Variants in FREM2 observed in about 807,000 individuals in gnomAD.
The protein encoded by FREM2 is FRAS1 related extracellular matrix 2, also known as FRAS1-related extracellular matrix protein 2.
In FREM2, 119 loss-of-function variants were observed where a neutral mutation model predicts 219.9. The observed-to-expected ratio is 0.54, with a 90% CI of 0.47 to 0.63. FREM2 has a LOEUF of 0.63. Ranked by LOEUF, FREM2 falls within the 30% of genes least tolerant of loss-of-function variation. The pLI, the probability that FREM2 is intolerant of heterozygous loss-of-function variation, is 0.00. For missense variants in FREM2, 4,030 were observed against 3,993.6 expected (o/e 1.01, Z -0.25); for synonymous variants, 1,562 against 1,522.8 (o/e 1.03, Z -0.60).
At chr13:38,728,787 A>G (rs1447521274) in intron 2 of FREM2, among the ~76,000 whole-genome samples, 1 of 152,166 alleles carries the variant, frequency 6.6e-6, no homozygotes, top group Non-Finnish European at 1.5e-5. Context: ...AGAATTTCAT[A>G]GTCAAATATG....
intron 6 of FREM2, among the ~76,000 whole-genome samples, chr13:38,792,666 A>T (rs1874609410): frequency 6.6e-6 from 1 of 152,174 alleles, no homozygotes; most frequent in Non-Finnish European, 1.5e-5. Context: ...TCAGTCATCC[A>T]CTTGGGCGTC....
At chr13:38,704,123 T>C (rs1235576633) in intron 2 of FREM2, among the ~76,000 whole-genome samples, 1 of 152,158 alleles carries the variant, frequency 6.6e-6, no homozygotes, top group Non-Finnish European at 1.5e-5. Flanking sequence ...CAGAATGCAA[T>C]GTAAAAGAAG....
chr13:38,831,157 A>G (rs1463282825), intron 6 of FREM2, among the ~76,000 whole-genome samples: 2 of 152,062 alleles, frequency 1.3e-5, no homozygotes, highest in Non-Finnish European at 2.9e-5. Flanking sequence ...TTCCTCATAT[A>G]TGGGGTATGC....
At chr13:38,863,120 G>C (rs917222290) in intron 15 of FREM2, among the ~76,000 whole-genome samples, 1 of 152,136 alleles carries the variant, frequency 6.6e-6, no homozygotes, top group African/African-American at 2.4e-5. Context: ...CGCGATCTCA[G>C]CTCACTGCAA....
intron 6 of FREM2, 82 bp from the exon 7 acceptor site, chr13:38,846,491 A>T: frequency 6.9e-7 from 1 of 1,440,974 alleles, no homozygotes. Flanking sequence ...GAGGAAGCAC[A>T]CTCTTCTTTG....
intron 4 of FREM2, among the ~76,000 whole-genome samples, chr13:38,782,379 TTGAC>T (rs1044323381): frequency 1.8e-4 from 28 of 152,302 alleles, no homozygotes; most frequent in African/African-American, 5.8e-4. Flanking sequence ...AACATGCCCT[TTGAC>T]TGTGTTAAAA....
chr13:38,695,009 A>C (rs1348352268), intron 1 of FREM2, among the ~76,000 whole-genome samples: 1 of 152,200 alleles, frequency 6.6e-6, no homozygotes, highest in Admixed American at 6.5e-5. Context: ...AACAAACAAA[A>C]AAATCTCATG....
intron 2 of FREM2, among the ~76,000 whole-genome samples, chr13:38,745,758 A>AT (rs1269945413): frequency 2.6e-5 from 4 of 152,072 alleles, no homozygotes; most frequent in Non-Finnish European, 4.4e-5. Context: ...CTGCTTTCTG[A>AT]TTTTCAATCC....
In FREM2 at chr13:38,885,230, C is replaced by T. The variant is rs1020408284; in HGVS notation, c.*4443C>T. 2 of 152,158 alleles carry T rather than the reference C, an allele frequency of 1.3e-5. No homozygotes were observed. Among genetic ancestry groups the T allele is most frequent in the Non-Finnish European group, 2.9e-5 (2 of 68,006 alleles). 9.4% of individuals were successfully genotyped at this position (152,158 alleles called of 1,614,324 possible). A position where few individuals can be genotyped will look rare whatever the true frequency, so the allele number is the denominator to read the frequency against. On this transcript the variant is annotated 3_prime_UTR_variant, in exon 24 of 24. Transcript: ENST00000280481. Reference sequence around the variant, plus strand: ...CTTCTCCATAAGGAAAGAAAACTGACTCTCTCTTGAACTAGTGTTGACAAA... The same window carrying T: ...CTTCTCCATAAGGAAAGAAAACTGATTCTCTCTTGAACTAGTGTTGACAAA...
chr13:38,696,208 A>G (rs948100663), intron 1 of FREM2, among the ~76,000 whole-genome samples: 6 of 152,218 alleles, frequency 3.9e-5, no homozygotes, highest in Admixed American at 2.0e-4. Flanking sequence ...AAATACCTCT[A>G]TTAGCAGGAG....
chr13:38,695,170 C>T (rs978463781), intron 1 of FREM2, among the ~76,000 whole-genome samples: 2 of 152,122 alleles, frequency 1.3e-5, no homozygotes, highest in Admixed American at 1.3e-4. Context: ...GAAAGCTAGA[C>T]GTTATTACAT....
At chr13:38,770,425 A>G (rs899743391) in intron 4 of FREM2, among the ~76,000 whole-genome samples, 6 of 152,008 alleles carry the variant, frequency 3.9e-5, no homozygotes, top group Admixed American at 3.9e-4. Context: ...TCCTGTTATT[A>G]TAATTCTATC....
Position 38,851,023 on chromosome 13 carries a change from C to T in FREM2, c.6657C>T (p.Leu2219=), listed in dbSNP as rs200483864. Reference sequence around the variant, plus strand: ...AGGTAGAGGAGCTCCGCCTGGTACTCGGCACTCCACAAAGCAACTCTCCCT... The same window carrying T: ...AGGTAGAGGAGCTCCGCCTGGTACTTGGCACTCCACAAAGCAACTCTCCCT... ...YEEVEELRLV[L]GTPQSNSPFG... The change falls in exon 10 of 24, where the codon CTC becomes CTT. Residue 2219 remains leucine (L), a synonymous_variant. Transcript: ENST00000280481. The T allele has an allele frequency of 6.6e-5, 106 of 1,613,906 alleles. No individual in the cohort carries two copies. In the East Asian group the frequency reaches 1.5e-3, roughly 23 times the overall value.
At chr13:38,745,517 G>T (rs2442353) in intron 2 of FREM2, among the ~76,000 whole-genome samples, 111,009 of 152,020 alleles carry the variant, frequency 0.73, 40,762 homozygotes, top group Non-Finnish European at 0.76. Context: ...AAAACATCAG[G>T]TTTATTTCAG....
chr13:38,687,287 C>G lies in FREM2; in HGVS notation c.-58C>G. On this transcript the variant is annotated 5_prime_UTR_variant, in exon 1 of 24. Transcript: ENST00000280481. Reference sequence around the variant, plus strand: ...CCCGGCGGTGTCTCTTGTTGTCTGCCCGGGGACCGACTTCGCATGCTCTCA... The same window carrying G: ...CCCGGCGGTGTCTCTTGTTGTCTGCGCGGGGACCGACTTCGCATGCTCTCA... 1 of 1,553,910 alleles carries G rather than the reference C, an allele frequency of 6.4e-7. No homozygotes were observed. The highest frequency in any genetic ancestry group is 8.7e-7 in the Non-Finnish European group (1 of 1,148,596).
intron 6 of FREM2, among the ~76,000 whole-genome samples, chr13:38,802,653 C>T (rs1875062106): frequency 6.6e-6 from 1 of 152,192 alleles, no homozygotes; most frequent in Non-Finnish European, 1.5e-5. Context: ...GTGGCAGCAT[C>T]AGCTCCAGGA....
At chr13:38,753,157 A>T (rs1872846726) in intron 2 of FREM2, among the ~76,000 whole-genome samples, 1 of 152,162 alleles carries the variant, frequency 6.6e-6, no homozygotes, top group Admixed American at 6.6e-5. Context: ...TTTTTCTATA[A>T]CAATATAGTA....
Position 38,689,900 on chromosome 13 carries a change from G to C in FREM2, c.2556G>C (p.Leu852Phe). 1 of 1,614,168 alleles carries C rather than the reference G, an allele frequency of 6.2e-7. No individual in the cohort carries two copies. Among genetic ancestry groups the C allele is most frequent in the South Asian group, 1.1e-5 (1 of 91,078 alleles). Reference protein sequence around the residue: ...KGHHILSETELHVNDVDTDVA... With the variant: ...KGHHILSETEFHVNDVDTDVA... Reference sequence around the variant, plus strand: ...ACCACATCCTGAGTGAGACAGAGTTGCACGTGAATGATGTAGACACTGATG... The same window carrying C: ...ACCACATCCTGAGTGAGACAGAGTTCCACGTGAATGATGTAGACACTGATG... Residue 852 changes from leucine (L) to phenylalanine (F), a missense_variant, in exon 1 of 24, where the codon TTG becomes TTC. Coordinates refer to ENST00000280481, the MANE Select transcript of FREM2 (RefSeq NM_207361.6).
In FREM2 at chr13:38,784,708, G is replaced by A. The variant is rs1593406342; in HGVS notation, c.5919G>A (p.Glu1973=). 2.5e-6 allele frequency: 4 copies of A among 1,614,138 alleles called. No homozygotes were observed. Among genetic ancestry groups the A allele is most frequent in the East Asian group, 2.2e-5 (1 of 44,846 alleles). ...TAATTGATGACTCTTTGTACGAGGA[G>A]GAGGAAACCTTCCATGTCCTTCTGA... ...IVIIDDSLYE[E]EETFHVLLSM... Residue 1973 remains glutamate (E), a synonymous_variant, in exon 6 of 24, where the codon GAG becomes GAA. Coordinates refer to ENST00000280481, the MANE Select transcript of FREM2 (RefSeq NM_207361.6).
Sources: allele counts gnomAD v4.1 joint callset (sites outside exome capture counted in the v4.1 genomes callset), GRCh38; gene constraint gnomAD v4.1.1; transcripts MANE v1.5; gene names NCBI Gene and HGNC (gene_info 2026-07-23, HGNC 2026-07-21).